Variants in MTM1 observed in about 807,000 individuals in gnomAD.
The protein encoded by MTM1 is myotubularin.
A neutral mutation model predicts 52.1 loss-of-function variants in MTM1; 9 were observed. The observed-to-expected ratio is 0.17, with a 90% CI of 0.10 to 0.30. MTM1 has a LOEUF of 0.30. Among genes scored for constraint, MTM1 ranks in the 10% least tolerant of loss-of-function variants. The probability of loss-of-function intolerance (pLI) is 1.00; values close to 1 mark genes in which losing one functional copy is unlikely to be tolerated. For missense variants in MTM1, 277 were observed against 470.7 expected, an observed-to-expected ratio of 0.59 and a Z score of 3.81; for synonymous variants, 136 against 163.8, an observed-to-expected ratio of 0.83 and a Z score of 1.29.
At chrX:150,588,305 GT>G (rs1417476703) in intron 1 of MTM1, among the ~76,000 whole-genome samples, 1 of 111,794 alleles carries the variant, frequency 8.9e-6, no homozygotes, top group African/African-American at 3.3e-5. Flanking sequence ...CTTTGTCACT[GT>G]TTTGTTTGTA....
intron 5 of MTM1, among the ~76,000 whole-genome samples, chrX:150,616,657 C>T (rs1557413149): frequency 9.0e-6 from 1 of 111,272 alleles, no homozygotes; most frequent in African/African-American, 3.3e-5. Context: ...ATACCAACCC[C>T]TGGTGCCTGT....
chrX:150,573,501 A>G (rs2038415012), intron 1 of MTM1, among the ~76,000 whole-genome samples: 1 of 112,487 alleles, frequency 8.9e-6, no homozygotes, highest in Non-Finnish European at 1.9e-5. Context: ...CCCTTTCTTT[A>G]GCATGTGATA....
chrX:150,639,275 A>G (rs2039809671), intron 7 of MTM1, among the ~76,000 whole-genome samples: 1 of 112,370 alleles, frequency 8.9e-6, no homozygotes, highest in African/African-American at 3.2e-5. Context: ...TTCCTTCCCT[A>G]TATGAAGAGC....
At chrX:150,580,559 C>T (rs1056934623) in intron 1 of MTM1, among the ~76,000 whole-genome samples, 3 of 109,743 alleles carry the variant, frequency 2.7e-5, no homozygotes, top group Non-Finnish European at 5.7e-5. Context: ...GTTATTTCTG[C>T]CCCATCTGTG....
chrX:150,618,540 G>A (rs1253794142), intron 5 of MTM1, among the ~76,000 whole-genome samples: 1 of 110,586 alleles, frequency 9.0e-6, no homozygotes, highest in Non-Finnish European at 1.9e-5. Context: ...TGTAGTCCCA[G>A]CCACTCAGGA....
chrX:150,666,708 G>A (rs1330767734), intron 14 of MTM1, among the ~76,000 whole-genome samples: 3 of 111,642 alleles, frequency 2.7e-5, no homozygotes, highest in Admixed American at 9.5e-5. Flanking sequence ...AATGGTGCTG[G>A]GACTGGAAAT....
At chrX:150,620,114 T>A (rs1425333335) in intron 6 of MTM1, among the ~76,000 whole-genome samples, 2 of 112,195 alleles carry the variant, frequency 1.8e-5, no homozygotes, top group Non-Finnish European at 3.8e-5. Flanking sequence ...GGAACACATC[T>A]TCTTAATTAT....
chrX:150,645,905 C>T, intron 9 of MTM1, 34 bp downstream of exon 9: 1 of 1,152,500 alleles, frequency 8.7e-7, no homozygotes, highest in Non-Finnish European at 1.2e-6. Flanking sequence ...GGACACTTAG[C>T]TTACATATGG....
chrX:150,586,063 A>G (rs1440048591), intron 1 of MTM1, among the ~76,000 whole-genome samples: 2 of 112,367 alleles, frequency 1.8e-5, no homozygotes, highest in African/African-American at 3.2e-5. Context: ...GGTCTTTGCA[A>G]CATTTAAAGA....
At chrX:150,570,518 C>T (rs781808379) in intron 1 of MTM1, among the ~76,000 whole-genome samples, 1 of 111,298 alleles carries the variant, frequency 9.0e-6, no homozygotes, top group East Asian at 2.8e-4. Context: ...CATTTCCCCC[C>T]ACCCCGACAT....
chrX:150,577,908 T>G (rs2038501130), intron 1 of MTM1, among the ~76,000 whole-genome samples: 1 of 112,450 alleles, frequency 8.9e-6, no homozygotes, highest in Non-Finnish European at 1.9e-5. Context: ...CTCTTATGTT[T>G]AGATCTGTTT....
At chrX:150,607,064 C>T (rs1485809609) in intron 4 of MTM1, among the ~76,000 whole-genome samples, 1 of 105,407 alleles carries the variant, frequency 9.5e-6, no homozygotes, top group Non-Finnish European at 2.0e-5. Flanking sequence ...CCGCAACCTC[C>T]ACCTCTTGGG....
chrX:150,584,294 ACT>A (rs782157206), intron 1 of MTM1, among the ~76,000 whole-genome samples: 5 of 109,232 alleles, frequency 4.6e-5, no homozygotes, highest in Non-Finnish European at 9.5e-5. Flanking sequence ...AACATTTATG[ACT>A]CTCTCAACAC....
chrX:150,596,447 C>A, intron 2 of MTM1, 51 bp from the exon 3 acceptor site: 4 of 975,892 alleles, frequency 4.1e-6, no homozygotes, highest in Non-Finnish European at 4.4e-6. Flanking sequence ...TGCTTAAAAA[C>A]AGTGTGTAAA....
At chrX:150,598,194 A>G (rs1226704665) in intron 3 of MTM1, among the ~76,000 whole-genome samples, 1 of 112,787 alleles carries the variant, frequency 8.9e-6, no homozygotes, top group East Asian at 2.8e-4. Flanking sequence ...CTCATCTCTC[A>G]GTCTAGTGGT....
At chrX:150,604,626 T>C (rs1002176100) in intron 4 of MTM1, among the ~76,000 whole-genome samples, 3 of 111,149 alleles carry the variant, frequency 2.7e-5, no homozygotes, top group Admixed American at 1.9e-4. Flanking sequence ...CTCTGTAGAC[T>C]TCATCACATT....
chrX:150,648,705 G>A (rs1239886332), intron 9 of MTM1, among the ~76,000 whole-genome samples: 2 of 112,945 alleles, frequency 1.8e-5, no homozygotes, highest in African/African-American at 6.4e-5. Context: ...ACCATGCTGT[G>A]AAGATGAACC....
rs1557412064 is a variant in MTM1 at position 150,583,670 on chromosome X, ATATATAAATAATTTGTATATATTAT to A, written c.-10-8933_-10-8909del. 3.9e-3 allele frequency among the ~76,000 whole-genome samples: 151 copies of A among 38,258 alleles called. 19 individuals are homozygous for A. Among genetic ancestry groups the A allele is most frequent in the African/African-American group, 0.015 (142 of 9,417 alleles). 33.2% of individuals were successfully genotyped at this position (38,258 alleles called of 115,157 possible). ...AATTTATATATATTATATATAATTT[ATATATAAATAATTTGTATATATTAT>A]TTATAAATATATAAATTATATATAT... is the stretch of plus-strand genomic sequence containing the variant. On this transcript the variant is annotated intron_variant, in intron 1 of 14. Coordinates refer to ENST00000370396, the MANE Select transcript of MTM1 (RefSeq NM_000252.3).
At position 150,663,475 on chromosome X, in the gene MTM1, A is replaced by T. The variant is rs1557414808; in HGVS notation, c.1510A>T (p.Ser504Cys). Residue 504 changes from serine (S) to cysteine (C), a missense_variant, in exon 14 of 15, where the codon AGT becomes TGT. This residue lies in a region of MTM1 where 59 missense variants were observed against 107.8 expected (regional missense o/e 0.55). Coordinates refer to ENST00000370396, the MANE Select transcript of MTM1 (RefSeq NM_000252.3). Reference protein sequence around the residue: ...RTVSLWSLINSNKEKFKNPFY... With the variant: ...RTVSLWSLINCNKEKFKNPFY... Reference sequence around the variant, plus strand: ...TGTTTCTTTATGGTCACTGATAAACAGTAATAAAGAAAAATTCAAAAACCC... The same window carrying T: ...TGTTTCTTTATGGTCACTGATAAACTGTAATAAAGAAAAATTCAAAAACCC... 1 of 1,208,606 alleles carries T rather than the reference A, an allele frequency of 8.3e-7. No homozygotes were observed. The highest frequency in any genetic ancestry group is 1.7e-5 in the African/African-American group (1 of 57,238).
Sources: allele counts gnomAD v4.1 joint callset (sites outside exome capture counted in the v4.1 genomes callset), GRCh38; gene constraint gnomAD v4.1.1; regional missense constraint gnomAD v4.1.1; transcripts MANE v1.5; gene names NCBI Gene and HGNC (gene_info 2026-07-23, HGNC 2026-07-21).